Variants in CDH18 observed in about 807,000 individuals in gnomAD.
CDH18 encodes cadherin-18.
A neutral mutation model predicts 67.9 loss-of-function variants in CDH18; 31 were observed. The observed-to-expected ratio is 0.46, with a 90% CI of 0.34 to 0.62. The LOEUF is 0.62. CDH18 is among the 20% of genes least tolerant of loss of function. The pLI is 0.01. For synonymous variants in CDH18, 362 were observed against 347.2 expected, an observed-to-expected ratio of 1.04 and a Z score of -0.48; for missense variants, 890 against 975.5, an observed-to-expected ratio of 0.91 and a Z score of 1.17.
chr5:19,564,072 A>G (rs1313943422), intron 8 of CDH18, among the ~76,000 whole-genome samples: 1 of 152,202 alleles, frequency 6.6e-6, no homozygotes. Flanking sequence ...CAGTGGTCAA[A>G]ACCTGAGTTC....
intron 2 of CDH18, among the ~76,000 whole-genome samples, chr5:20,032,388 T>A (rs2150454607): frequency 6.6e-6 from 1 of 152,002 alleles, no homozygotes; most frequent in Middle Eastern, 3.4e-3. Context: ...ATAGTAGAGA[T>A]AAAACTGAAC....
chr5:19,851,851 G>T (rs1476591158), intron 2 of CDH18, among the ~76,000 whole-genome samples: 1 of 151,752 alleles, frequency 6.6e-6, no homozygotes, highest in African/African-American at 2.4e-5. Flanking sequence ...CTTAAAATCT[G>T]TGTGTTTAAA....
At chr5:20,234,702 A>G (rs1211755831) in intron 2 of CDH18, among the ~76,000 whole-genome samples, 1 of 152,142 alleles carries the variant, frequency 6.6e-6, no homozygotes, top group African/African-American at 2.4e-5. Flanking sequence ...TGATTCCCAA[A>G]TTAAACACAC....
intron 2 of CDH18, among the ~76,000 whole-genome samples, chr5:20,051,946 C>A (rs991541249): frequency 6.6e-6 from 1 of 151,886 alleles, no homozygotes; most frequent in Non-Finnish European, 1.5e-5. Context: ...AGCATTTGGG[C>A]CCCCTCTTTC....
rs548244150 is a variant in CDH18, at chr5:20,336,140, C to T, written c.-579-80635G>A. 2.6e-5 allele frequency among the ~76,000 whole-genome samples: 4 copies of T among 152,236 alleles called. No individual in the cohort carries two copies. In the South Asian group the frequency reaches 8.3e-4, roughly 32 times the overall value. On this transcript the variant is annotated intron_variant, in intron 1 of 14. Transcript: ENST00000507958. ...CAGATGGAACCCCACTTGGACAAGTCCTTCTTCCAAGGCCCACTAGACTGC... is the reference window on the plus strand; with the variant it reads ...CAGATGGAACCCCACTTGGACAAGTTCTTCTTCCAAGGCCCACTAGACTGC...
intron 1 of CDH18, among the ~76,000 whole-genome samples, chr5:20,426,726 A>G (rs1036331201): frequency 6.6e-6 from 1 of 151,148 alleles, no homozygotes; most frequent in Non-Finnish European, 1.5e-5. Flanking sequence ...ACTTCTAAAA[A>G]GCTTTATGGC....
At chr5:19,698,734 G>A (rs1366541465) in intron 5 of CDH18, among the ~76,000 whole-genome samples, 1 of 152,004 alleles carries the variant, frequency 6.6e-6, no homozygotes, top group Non-Finnish European at 1.5e-5. Flanking sequence ...TGAAAAGGGA[G>A]AGAAAAGATG....
rs892488980 is a variant in CDH18 at position 20,144,266 on chromosome 5, G to A, written c.-518+111178C>T. ...GGGGTAGGGAGTATAGTCCAGATCCGGGAGTACTGAGCTGCCTCTCTGCCA... is the reference window on the plus strand; with the variant it reads ...GGGGTAGGGAGTATAGTCCAGATCCAGGAGTACTGAGCTGCCTCTCTGCCA... On this transcript the variant is annotated intron_variant, in intron 2 of 14. Coordinates refer to the CDH18 transcript ENST00000507958. Among the ~76,000 whole-genome samples the A allele has an allele frequency of 3.3e-5, 5 of 152,020 alleles. No individual in the cohort carries two copies. In the East Asian group the frequency reaches 5.8e-4, roughly 18 times the overall value.
intron 1 of CDH18, among the ~76,000 whole-genome samples, chr5:20,258,427 C>G (rs1744404130): frequency 6.6e-6 from 1 of 150,526 alleles, no homozygotes. Flanking sequence ...TTCAGCATTC[C>G]AATAACTGAA....
intron 2 of CDH18, among the ~76,000 whole-genome samples, chr5:20,004,009 G>GT (rs1173061262): frequency 3.3e-5 from 5 of 152,228 alleles, no homozygotes; most frequent in East Asian, 1.9e-4. Flanking sequence ...CTAATATATC[G>GT]TTTTTTGTAT....
chr5:19,696,655 A>G (rs1580922429), intron 5 of CDH18, among the ~76,000 whole-genome samples: 1 of 152,014 alleles, frequency 6.6e-6, no homozygotes, highest in South Asian at 2.1e-4. Flanking sequence ...CGGCCTCCCA[A>G]AGTGCTGGGA....
chr5:19,688,175 C>G (rs2150410740), intron 5 of CDH18, among the ~76,000 whole-genome samples: 1 of 152,276 alleles, frequency 6.6e-6, no homozygotes, highest in Middle Eastern at 3.4e-3. Context: ...CAAAGATCCA[C>G]CTACCCAACC....
intron 3 of CDH18, among the ~76,000 whole-genome samples, chr5:19,814,066 T>TA (rs1039200245): frequency 5.3e-5 from 8 of 151,690 alleles, no homozygotes; most frequent in Non-Finnish European, 1.2e-4. Flanking sequence ...GTGCAGATTT[T>TA]AAAAAAAATA....
At chr5:19,833,287 A>G (rs949540433) in intron 3 of CDH18, among the ~76,000 whole-genome samples, 1 of 151,970 alleles carries the variant, frequency 6.6e-6, no homozygotes, top group Admixed American at 6.6e-5. Flanking sequence ...CTTTGGAGCA[A>G]TCATGAATGG....
chr5:20,055,069 G>A lies in CDH18; in HGVS notation c.-517-63055C>T, dbSNP rs529337632. Among the ~76,000 whole-genome samples the A allele has an allele frequency of 2.0e-5, 3 of 151,700 alleles. No homozygotes were observed. In the East Asian group the frequency reaches 6.3e-4, roughly 32 times the overall value. On this transcript the variant is annotated intron_variant, in intron 2 of 14. Coordinates refer to the CDH18 transcript ENST00000507958. ...CTGTGAAAGACAACCAACACAGTAA[G>A]TAGTCATTTTTTTTTCCTTATTCTG...
chr5:20,059,567 G>A (rs1034534898), intron 2 of CDH18, among the ~76,000 whole-genome samples: 4 of 152,036 alleles, frequency 2.6e-5, no homozygotes, highest in African/African-American at 7.2e-5. Context: ...ATTCCTCAAG[G>A]ATCTAGAACC....
chr5:20,514,360 G>A (rs1390327305), intron 1 of CDH18, among the ~76,000 whole-genome samples: 1 of 152,102 alleles, frequency 6.6e-6, no homozygotes, highest in Non-Finnish European at 1.5e-5. Flanking sequence ...CATCTTAGAA[G>A]AAGCCGCAGC....
intron 2 of CDH18, among the ~76,000 whole-genome samples, chr5:19,900,375 G>T (rs1789811399): frequency 6.6e-6 from 1 of 152,138 alleles, no homozygotes; most frequent in South Asian, 2.1e-4. Context: ...ATAGCTAGAA[G>T]AGTGGTTTTT....
intron 3 of CDH18, among the ~76,000 whole-genome samples, chr5:19,818,074 G>A (rs1779483138): frequency 6.6e-6 from 1 of 152,104 alleles, no homozygotes; most frequent in South Asian, 2.1e-4. Context: ...AAAACAGACA[G>A]TGGGCTAGCT....
Sources: gnomAD v4.1 joint callset for allele counts (sites outside exome capture counted in the v4.1 genomes callset) on GRCh38, gnomAD v4.1.1 for gene constraint, MANE v1.5 for transcripts, NCBI Gene and HGNC (gene_info 2026-07-23, HGNC 2026-07-21) for gene names.